The following SH3GL2 variants were observed in gnomAD, a reference collection of about 807,000 sequenced individuals.
The protein encoded by SH3GL2 is SH3 domain containing GRB2 like 2, endophilin A1.
In SH3GL2, 24 loss-of-function variants were observed where a neutral mutation model predicts 46.0. The observed-to-expected ratio is 0.52, with a 90% CI of 0.38 to 0.73. The LOEUF is 0.73. SH3GL2 is among the 30% of genes least tolerant of loss of function. SH3GL2 has a pLI of 0.00. For synonymous variants in SH3GL2, 196 were observed against 147.1 expected (o/e 1.33, Z -2.40); for missense variants, 413 against 424.2 (o/e 0.97, Z 0.23).
chr9:17,730,982 G>C (rs554519666), intron 1 of SH3GL2, among the ~76,000 whole-genome samples: 1 of 152,106 alleles, frequency 6.6e-6, no homozygotes, highest in Non-Finnish European at 1.5e-5. Context: ...TAGCAGATTT[G>C]GGACTTGAGG....
At chr9:17,608,066 A>G (rs1250520303) in intron 1 of SH3GL2, among the ~76,000 whole-genome samples, 1 of 151,608 alleles carries the variant, frequency 6.6e-6, no homozygotes, top group Non-Finnish European at 1.5e-5. Flanking sequence ...GCTGTTTTGC[A>G]CTTGTATATA....
In SH3GL2 at chr9:17,795,556, A is replaced by C; in HGVS notation, c.872A>C (p.Asp291Ala). The C allele has an allele frequency of 6.2e-7, 1 of 1,613,906 alleles. No individual in the cohort carries two copies. The highest frequency in any genetic ancestry group is 1.1e-5 in the South Asian group (1 of 91,066). Residue 291 changes from aspartate (D) to alanine (A), a missense_variant, in exon 9 of 9, where the codon GAT becomes GCT. Transcript: ENST00000380607. ...CTCTTACTCCCAGGTGTCCAAATGG[A>C]TCAGCCCTGCTGCCGAGCTCTGTAC... ...GTPKPSGVQMDQPCCRALYDF... is the reference protein window; with the variant it reads ...GTPKPSGVQMAQPCCRALYDF...
chr9:17,635,534 A>G (rs1300128670), intron 1 of SH3GL2, among the ~76,000 whole-genome samples: 1 of 152,200 alleles, frequency 6.6e-6, no homozygotes, highest in East Asian at 1.9e-4. Context: ...GAACTGCTTT[A>G]TCTGTAAGAG....
chr9:17,596,519 G>C (rs1376131519), intron 1 of SH3GL2, among the ~76,000 whole-genome samples: 3 of 152,124 alleles, frequency 2.0e-5, no homozygotes, highest in African/African-American at 7.2e-5. Context: ...TAGGCCACGA[G>C]TCTCCTGGGC....
At chr9:17,753,345 T>A (rs1026898620) in intron 2 of SH3GL2, among the ~76,000 whole-genome samples, 2 of 152,228 alleles carry the variant, frequency 1.3e-5, no homozygotes, top group Admixed American at 1.3e-4. Flanking sequence ...AGCATTCCTT[T>A]TTCTCCACAA....
intron 3 of SH3GL2, 156 bp downstream of exon 3, chr9:17,761,665 C>G (rs1249450407): frequency 2.8e-6 from 2 of 722,140 alleles, no homozygotes; most frequent in Non-Finnish European, 5.0e-6. Flanking sequence ...CACATTTTAA[C>G]TGGGGAGAAG....
At chr9:17,739,366 C>T (rs1437786015) in intron 1 of SH3GL2, among the ~76,000 whole-genome samples, 5 of 150,336 alleles carry the variant, frequency 3.3e-5, no homozygotes, top group Admixed American at 1.3e-4. Flanking sequence ...AAATAGAATT[C>T]GAAAAACTAC....
intron 1 of SH3GL2, among the ~76,000 whole-genome samples, chr9:17,734,264 G>T (rs1312512249): frequency 6.6e-6 from 1 of 152,062 alleles, no homozygotes; most frequent in Non-Finnish European, 1.5e-5. Flanking sequence ...GTTTGTCTGA[G>T]GTAGAAGCAT....
chr9:17,631,261 C>T (rs967307472), intron 1 of SH3GL2, among the ~76,000 whole-genome samples: 2 of 152,170 alleles, frequency 1.3e-5, no homozygotes, highest in African/African-American at 4.8e-5. Flanking sequence ...TCATCCATCC[C>T]CCTGTGGAGG....
rs772903302 is a variant in SH3GL2, at chr9:17,786,557, C to G, written c.331+33C>G. 23 of 1,602,562 alleles carry G rather than the reference C, an allele frequency of 1.4e-5. No individual in the cohort carries two copies. In the South Asian group the frequency reaches 1.9e-4, roughly 13 times the overall value. On this transcript the variant is annotated intron_variant, in intron 4 of 8. Transcript: ENST00000380607. The stretch of plus-strand genomic sequence containing the variant: ...GTGCTTCCTCACATTGTAATTCTTT[C>G]ATTTGTCCATGGGGATTTTGGTGCT...
chr9:17,766,269 G>A (rs142248235), intron 3 of SH3GL2, among the ~76,000 whole-genome samples: 4 of 152,316 alleles, frequency 2.6e-5, no homozygotes, highest in Admixed American at 6.5e-5. Flanking sequence ...TTTCGAGAAC[G>A]CAGGACAGAC....
At chr9:17,673,004 G>C (rs1489381722) in intron 1 of SH3GL2, among the ~76,000 whole-genome samples, 1 of 152,094 alleles carries the variant, frequency 6.6e-6, no homozygotes, top group African/African-American at 2.4e-5. Context: ...GTAGTATTTG[G>C]CAGTATCACT....
At chr9:17,738,519 T>A (rs1822410957) in intron 1 of SH3GL2, among the ~76,000 whole-genome samples, 1 of 131,450 alleles carries the variant, frequency 7.6e-6, no homozygotes, top group Non-Finnish European at 1.7e-5. Flanking sequence ...TACATATGTG[T>A]GTGTATATAC....
At chr9:17,640,205 G>C (rs1819643905) in intron 1 of SH3GL2, among the ~76,000 whole-genome samples, 1 of 151,962 alleles carries the variant, frequency 6.6e-6, no homozygotes, top group African/African-American at 2.4e-5. Context: ...TATAGTCTCT[G>C]CCAGTTTATC....
At chr9:17,630,578 A>C (rs1371285971) in intron 1 of SH3GL2, 1 of 152,212 alleles carries the variant, frequency 6.6e-6, no homozygotes, top group Non-Finnish European at 1.5e-5. Context: ...AAAAAGCAAA[A>C]GGCACATGCT....
intron 1 of SH3GL2, among the ~76,000 whole-genome samples, chr9:17,592,068 C>G (rs1430677548): frequency 4.6e-5 from 7 of 152,130 alleles, no homozygotes; most frequent in Admixed American, 4.6e-4. Flanking sequence ...TTTCTGCAAG[C>G]TGGAGAATCA....
intron 1 of SH3GL2, among the ~76,000 whole-genome samples, chr9:17,631,792 T>C (rs1415850417): frequency 6.6e-6 from 1 of 152,190 alleles, no homozygotes; most frequent in Non-Finnish European, 1.5e-5. Flanking sequence ...CAATCCATAG[T>C]TGGACGAGGC....
At chr9:17,777,353 C>T (rs1823669050) in intron 3 of SH3GL2, among the ~76,000 whole-genome samples, 1 of 152,076 alleles carries the variant, frequency 6.6e-6, no homozygotes, top group South Asian at 2.1e-4. Flanking sequence ...GGTTTGCTCA[C>T]AAATATAGTA....
chr9:17,605,376 TC>T (rs1360240299), intron 1 of SH3GL2, among the ~76,000 whole-genome samples: 2 of 152,082 alleles, frequency 1.3e-5, no homozygotes, highest in Non-Finnish European at 2.9e-5. Context: ...CTTACCTACT[TC>T]CAGAGGAAGA....
Sources: allele counts gnomAD v4.1 joint callset (sites outside exome capture counted in the v4.1 genomes callset), GRCh38; gene constraint gnomAD v4.1.1; transcripts MANE v1.5; gene names NCBI Gene and HGNC (gene_info 2026-07-23, HGNC 2026-07-21).